CPN1: variants seen among roughly 807,000 people sequenced by gnomAD.
CPN1 encodes the protein carboxypeptidase N subunit 1.
In CPN1, 37 loss-of-function variants were observed where a neutral mutation model predicts 46.4. The ratio of observed to expected loss-of-function variants is 0.80; its 90% CI spans 0.61 to 1.05. The LOEUF is 1.05. CPN1 is among the 50% of genes least tolerant of loss of function. The pLI is 0.00. For missense variants in CPN1, 563 were observed against 602.6 expected (o/e 0.93, Z 0.69); for synonymous variants, 224 against 235.4 (o/e 0.95, Z 0.44).
Position 100,047,600 on chromosome 10 carries a change from A to G in CPN1, c.1230+1158T>C, listed in dbSNP as rs547790719. Among the ~76,000 whole-genome samples, 10 of 152,358 alleles carry G rather than the reference A, an allele frequency of 6.6e-5. No individual in the cohort carries two copies. The South Asian group carries it at 2.1e-3, about 32-fold the overall frequency. ...CTACTTTGTTGAACCTACACATAAA[A>G]GTGGACAATTTCCCCGGTATCTTTG... On this transcript the variant is annotated intron_variant, in intron 8 of 8. Coordinates refer to ENST00000370418, the MANE Select transcript of CPN1 (RefSeq NM_001308.3).
At chr10:100,071,235 A>G (rs1733336132) in intron 2 of CPN1, among the ~76,000 whole-genome samples, 1 of 152,206 alleles carries the variant, frequency 6.6e-6, no homozygotes, top group African/African-American at 2.4e-5. Context: ...TTAGTTTCCT[A>G]GGGCTGCCAT....
At chr10:100,074,335 C>T (rs12775433) in intron 2 of CPN1, among the ~76,000 whole-genome samples, 44,380 of 152,030 alleles carry the variant, frequency 0.29, 7,023 homozygotes, top group Non-Finnish European at 0.36. Flanking sequence ...AGATCTGCTC[C>T]CTCTGAACAA....
intron 2 of CPN1, among the ~76,000 whole-genome samples, chr10:100,073,361 C>G (rs1351336836): frequency 6.6e-6 from 1 of 152,158 alleles, no homozygotes; most frequent in Non-Finnish European, 1.5e-5. Flanking sequence ...CCACTGATTT[C>G]CCTGCACACT....
At chr10:100,062,219 C>T (rs1410366529) in intron 5 of CPN1, among the ~76,000 whole-genome samples, 1 of 152,064 alleles carries the variant, frequency 6.6e-6, no homozygotes, top group Admixed American at 6.5e-5. Flanking sequence ...TTGCTCCAGA[C>T]TCTTCTCTAT....
intron 1 of CPN1, among the ~76,000 whole-genome samples, chr10:100,077,526 C>G (rs565928440): frequency 2.0e-5 from 3 of 152,104 alleles, no homozygotes; most frequent in Non-Finnish European, 4.4e-5. Context: ...CCATTGCACC[C>G]GGCTGGGTTT....
chr10:100,075,442 C>A (rs2041508320), intron 2 of CPN1, among the ~76,000 whole-genome samples: 1 of 152,196 alleles, frequency 6.6e-6, no homozygotes, highest in Non-Finnish European at 1.5e-5. Context: ...TAGCCCCCTA[C>A]CCCCAGTTCT....
chr10:100,055,866 T>C (rs2041382244), intron 6 of CPN1, among the ~76,000 whole-genome samples: 1 of 152,246 alleles, frequency 6.6e-6, no homozygotes. Context: ...TTCCACTGTA[T>C]GGATATACCA....
chr10:100,054,069 G>A (rs1244902778), intron 7 of CPN1, among the ~76,000 whole-genome samples: 1 of 152,200 alleles, frequency 6.6e-6, no homozygotes, highest in Non-Finnish European at 1.5e-5. Flanking sequence ...GAATGCTGAT[G>A]AGAAGTTACA....
chr10:100,044,406 A>T (rs763401525), intron 8 of CPN1, among the ~76,000 whole-genome samples: 4 of 152,052 alleles, frequency 2.6e-5, no homozygotes, highest in African/African-American at 9.7e-5. Context: ...ATAAGGTCTT[A>T]CTCTGTCATC....
At chr10:100,045,050 T>C (rs2041300447) in intron 8 of CPN1, among the ~76,000 whole-genome samples, 1 of 152,182 alleles carries the variant, frequency 6.6e-6, no homozygotes, top group Non-Finnish European at 1.5e-5. Flanking sequence ...CAGATGGATA[T>C]CTGCTTTAGA....
At chr10:100,068,358 C>T (rs1397246889) in intron 3 of CPN1, among the ~76,000 whole-genome samples, 4 of 151,506 alleles carry the variant, frequency 2.6e-5, no homozygotes, top group East Asian at 2.0e-4. Flanking sequence ...GGACTGCAGG[C>T]GCCCGCCACC....
intron 1 of CPN1, among the ~76,000 whole-genome samples, chr10:100,081,108 T>A (rs1448471557): frequency 6.6e-6 from 1 of 151,390 alleles, no homozygotes; most frequent in East Asian, 1.9e-4. Context: ...AGAAAGGAAA[T>A]GGGGGAAATG....
At position 100,042,321 on chromosome 10, in the gene CPN1, A is replaced by T. The variant is rs1305436218; in HGVS notation, c.*106T>A. The T allele has an allele frequency of 7.7e-6, 11 of 1,433,672 alleles. No homozygotes were observed. The highest frequency in any genetic ancestry group is 7.8e-6 in the Non-Finnish European group (8 of 1,022,756). 88.8% of individuals were successfully genotyped at this position (1,433,672 alleles called of 1,614,324 possible). A position where few individuals can be genotyped will look rare whatever the true frequency, so the allele number is the denominator to read the frequency against. On this transcript the variant is annotated 3_prime_UTR_variant, in exon 9 of 9. Coordinates refer to ENST00000370418, the MANE Select transcript of CPN1 (RefSeq NM_001308.3). Reference sequence around the variant, plus strand: ...GAGACCATTCTGAATTGTTCTGAATATGTTTGTATTTAAATATGTCCCAGA... The same window carrying T: ...GAGACCATTCTGAATTGTTCTGAATTTGTTTGTATTTAAATATGTCCCAGA...
intron 2 of CPN1, among the ~76,000 whole-genome samples, chr10:100,070,196 G>A (rs2041476539): frequency 6.6e-6 from 1 of 151,778 alleles, no homozygotes; most frequent in African/African-American, 2.4e-5. Context: ...CCAAAGTGCT[G>A]AGAGGCCAGG....
chr10:100,042,358 A>G lies in CPN1; in HGVS notation c.*69T>C. On this transcript the variant is annotated 3_prime_UTR_variant, in exon 9 of 9. Coordinates refer to ENST00000370418, the MANE Select transcript of CPN1 (RefSeq NM_001308.3). ...AAATATGTCCCAGATAATAAAATAG[A>G]AAGAATGCTTGATCTGATCTGAGAG... The G allele has an allele frequency of 1.3e-6, 2 of 1,587,228 alleles. No homozygotes were observed. The highest frequency in any genetic ancestry group is 1.7e-6 in the Non-Finnish European group (2 of 1,157,878).
intron 3 of CPN1, among the ~76,000 whole-genome samples, chr10:100,068,805 C>T (rs951630135): frequency 1.3e-5 from 2 of 152,198 alleles, no homozygotes; most frequent in Non-Finnish European, 2.9e-5. Flanking sequence ...TCCCAAAGTG[C>T]TGGGATTACA....
chr10:100,047,979 C>T (rs777692555), intron 8 of CPN1, among the ~76,000 whole-genome samples: 2 of 151,658 alleles, frequency 1.3e-5, no homozygotes, highest in Non-Finnish European at 2.9e-5. Context: ...GCAACAAGAG[C>T]GAAACCCCCT....
chr10:100,046,550 ATCACCTGAGG>A (rs1043808059), intron 8 of CPN1, among the ~76,000 whole-genome samples: 1 of 152,148 alleles, frequency 6.6e-6, no homozygotes, highest in African/African-American at 2.4e-5. Flanking sequence ...AGGAGGGTGG[ATCACCTGAGG>A]TCAGGAGTCC....
intron 1 of CPN1, among the ~76,000 whole-genome samples, chr10:100,077,508 G>A (rs2041522414): frequency 6.6e-6 from 1 of 152,140 alleles, no homozygotes; most frequent in South Asian, 2.1e-4. Context: ...TAGGATTACA[G>A]GTGTGAGCCA....
Sources: gnomAD v4.1 joint callset for allele counts (sites outside exome capture counted in the v4.1 genomes callset) on GRCh38, gnomAD v4.1.1 for gene constraint, MANE v1.5 for transcripts, NCBI Gene and HGNC (gene_info 2026-07-23, HGNC 2026-07-21) for gene names.